The following ZRANB3 variants were observed in gnomAD, a reference collection of about 807,000 sequenced individuals.
The protein encoded by ZRANB3 is zinc finger RANBP2-type containing 3, also known as DNA annealing helicase and endonuclease ZRANB3.
ZRANB3 carries 125 observed loss-of-function variants against 133.8 expected under a neutral mutation model. The observed-to-expected ratio is 0.93, with a 90% CI of 0.81 to 1.08. The LOEUF (loss-of-function observed/expected upper bound fraction) is 1.08. ZRANB3 is among the 50% of genes least tolerant of loss of function. The probability of loss-of-function intolerance (pLI) is 0.00; values close to 1 mark genes in which losing one functional copy is unlikely to be tolerated. For missense variants in ZRANB3, 1,229 were observed against 1,275.5 expected (o/e 0.96, Z 0.56); for synonymous variants, 387 against 432.7 (o/e 0.89, Z 1.31).
At chr2:135,370,684 A>G (rs1469950) in intron 3 of ZRANB3, among the ~76,000 whole-genome samples, 15,829 of 152,196 alleles carry the variant, frequency 0.1, 1,087 homozygotes, top group South Asian at 0.32. Flanking sequence ...ACTCTACATG[A>G]AAAGTTGGGA....
chr2:135,271,002 C>T (rs115458360), intron 10 of ZRANB3, among the ~76,000 whole-genome samples: 2,120 of 152,266 alleles, frequency 0.014, 23 homozygotes, highest in Middle Eastern at 0.044. Context: ...TTTAGCAGGG[C>T]TACGTGGAAT....
chr2:135,358,719 G>A (rs1169746354), intron 3 of ZRANB3, among the ~76,000 whole-genome samples: 1 of 152,178 alleles, frequency 6.6e-6, no homozygotes, highest in Admixed American at 6.5e-5. Context: ...CAAAGCTGAT[G>A]TGCTGAATAT....
At chr2:135,423,350 C>T (rs115892268) in intron 2 of ZRANB3, among the ~76,000 whole-genome samples, 1,593 of 152,260 alleles carry the variant, frequency 0.01, 25 homozygotes, top group African/African-American at 0.036. Flanking sequence ...AGGAGAATTG[C>T]TTGAACCCAG....
At chr2:135,329,682 T>C (rs897290671) in intron 6 of ZRANB3, among the ~76,000 whole-genome samples, 1 of 152,240 alleles carries the variant, frequency 6.6e-6, no homozygotes, top group African/African-American at 2.4e-5. Flanking sequence ...TGATTCTTCC[T>C]ATCCATGAGC....
chr2:135,402,295 C>CTT (rs374450905), intron 2 of ZRANB3, among the ~76,000 whole-genome samples: 16 of 133,842 alleles, frequency 1.2e-4, no homozygotes, highest in East Asian at 2.1e-4. Context: ...TTCTTTCTCT[C>CTT]TTTTTTTTTT....
chr2:135,328,454 G>A (rs1259600521), intron 6 of ZRANB3, among the ~76,000 whole-genome samples: 3 of 152,086 alleles, frequency 2.0e-5, no homozygotes, highest in Non-Finnish European at 4.4e-5. Flanking sequence ...TCTTAATCCA[G>A]TCTATCATTG....
At chr2:135,380,810 G>C (rs777026288) in intron 3 of ZRANB3, among the ~76,000 whole-genome samples, 1 of 152,176 alleles carries the variant, frequency 6.6e-6, no homozygotes, top group Non-Finnish European at 1.5e-5. Flanking sequence ...AAATAACTAA[G>C]ATCAGAGCAG....
chr2:135,484,461 C>T (rs1324996678), intron 2 of ZRANB3, among the ~76,000 whole-genome samples: 1 of 151,732 alleles, frequency 6.6e-6, no homozygotes, highest in Non-Finnish European at 1.5e-5. Context: ...TATTTTTAAC[C>T]ATGTATATTC....
chr2:135,421,176 A>G (rs2104969348), intron 2 of ZRANB3, among the ~76,000 whole-genome samples: 1 of 152,304 alleles, frequency 6.6e-6, no homozygotes, highest in East Asian at 1.9e-4. Context: ...AATTTGAAAC[A>G]AAGAATATAA....
intron 1 of ZRANB3, among the ~76,000 whole-genome samples, chr2:135,505,979 C>T (rs1053340068): frequency 6.6e-6 from 1 of 152,064 alleles, no homozygotes; most frequent in South Asian, 2.1e-4. Context: ...GGCTTATGGT[C>T]TGAAAGATGT....
intron 2 of ZRANB3, among the ~76,000 whole-genome samples, chr2:135,425,703 G>C (rs1042433044): frequency 6.6e-6 from 1 of 152,030 alleles, no homozygotes; most frequent in African/African-American, 2.4e-5. Flanking sequence ...AGTGTTAAGA[G>C]GGAAGTTTAC....
rs140253959 is a variant in ZRANB3 at position 135,486,761 on chromosome 2, G to A, written c.161+17568C>T. Among the ~76,000 whole-genome samples, 890 of 152,178 alleles carry A rather than the reference G, an allele frequency of 5.8e-3. 13 individuals are homozygous for A. The highest frequency in any genetic ancestry group is 0.024 in the East Asian group (123 of 5,162). ...ACTCCTGACCTCAGGTGATCCACCC[G>A]CTTGGCCTCCCAAATTGCTGGGATT... On this transcript the variant is annotated intron_variant, in intron 2 of 20. Coordinates refer to ENST00000264159, the MANE Select transcript of ZRANB3 (RefSeq NM_032143.4).
In ZRANB3 at chr2:135,524,376, C is replaced by A. The variant is rs143160533; in HGVS notation, c.-8+6751G>T. Among the ~76,000 whole-genome samples the A allele has an allele frequency of 2.8e-3, 421 of 152,274 alleles. 1 individual carries two copies. Among genetic ancestry groups the A allele is most frequent in the Non-Finnish European group, 3.9e-3 (263 of 68,024 alleles). ...GGATTACAGGCTTAAGCCACCGCGACCATCCTGTAGAATTCTATAATAGAA... is the reference window on the plus strand; with the variant it reads ...GGATTACAGGCTTAAGCCACCGCGAACATCCTGTAGAATTCTATAATAGAA... On this transcript the variant is annotated intron_variant, in intron 1 of 20. Transcript: ENST00000264159.
chr2:135,294,655 C>T (rs1056989515), intron 8 of ZRANB3, among the ~76,000 whole-genome samples: 2 of 152,082 alleles, frequency 1.3e-5, no homozygotes, highest in African/African-American at 4.8e-5. Flanking sequence ...AATGTGTTTG[C>T]TCTTGCTTCT....
At position 135,511,656 on chromosome 2, in the gene ZRANB3, C is replaced by T. The variant is rs943976003; in HGVS notation, c.-7-7160G>A. ...AAGCCTGGTTGTTGTTAGACAGAAG[C>T]CCCAACACCTGGACTACCACACCAT... On this transcript the variant is annotated intron_variant, in intron 1 of 20. Transcript: ENST00000264159. 6.5e-6 allele frequency: 5 copies of T among 770,422 alleles called. No individual in the cohort carries two copies. The African/African-American group carries it at 8.5e-5, about 13-fold the overall frequency. The allele number at this position is 770,422 out of a possible 1,614,324, so 47.7% of individuals were successfully genotyped here.
rs1401504395 is a variant in ZRANB3 at position 135,197,119 on chromosome 2, T to G, written c.*3223A>C. 4 of 152,184 alleles carry G rather than the reference T, an allele frequency of 2.6e-5. No individual in the cohort carries two copies. Among genetic ancestry groups the G allele is most frequent in the Non-Finnish European group, 4.4e-5 (3 of 68,024 alleles). The allele number at this position is 152,184 out of a possible 1,614,324, so 9.4% of individuals were successfully genotyped here. A position where few individuals can be genotyped will look rare whatever the true frequency, so the allele number is the denominator to read the frequency against. On this transcript the variant is annotated 3_prime_UTR_variant, in exon 21 of 21. Transcript: ENST00000264159. ...CCTTTCTGGTAGTTGGATATTCAGA[T>G]AGATTAGTGCAGTGACTAGGAGCCC...
At chr2:135,409,485 C>A (rs1688206338) in intron 2 of ZRANB3, among the ~76,000 whole-genome samples, 2 of 151,842 alleles carry the variant, frequency 1.3e-5, no homozygotes, top group African/African-American at 2.4e-5. Flanking sequence ...CAGGGATATA[C>A]CTCAAAATAA....
chr2:135,311,744 T>C (rs1682988376), intron 8 of ZRANB3, among the ~76,000 whole-genome samples: 1 of 152,108 alleles, frequency 6.6e-6, no homozygotes, highest in African/African-American at 2.4e-5. Context: ...AGCAAGACTC[T>C]GTCTCTCAAA....
chr2:135,338,879 A>T (rs534233803), intron 6 of ZRANB3, among the ~76,000 whole-genome samples: 3 of 152,264 alleles, frequency 2.0e-5, no homozygotes, highest in Admixed American at 6.5e-5. Flanking sequence ...ACAATTACAT[A>T]CAATAGTATA....
Sources: gnomAD v4.1 joint callset for allele counts (sites outside exome capture counted in the v4.1 genomes callset) on GRCh38, gnomAD v4.1.1 for gene constraint, MANE v1.5 for transcripts, NCBI Gene and HGNC (gene_info 2026-07-23, HGNC 2026-07-21) for gene names.